Variants in HIVEP3 observed in about 807,000 individuals in gnomAD.
HIVEP3 encodes the protein HIVEP zinc finger 3, also known as transcription factor HIVEP3.
In HIVEP3, 49 loss-of-function variants were observed where a neutral mutation model predicts 152.8. That is an observed-to-expected ratio of 0.32 (90% CI 0.26 to 0.41). The LOEUF (loss-of-function observed/expected upper bound fraction) is 0.41. HIVEP3 is among the 10% of genes least tolerant of loss of function. The pLI is 1.00. For missense variants in HIVEP3, 2,790 were observed against 3,103.3 expected (o/e 0.90, Z 2.40); for synonymous variants, 1,269 against 1,289.0 (o/e 0.98, Z 0.33).
intron 1 of HIVEP3, among the ~76,000 whole-genome samples, chr1:41,725,741 T>C (rs2124177117): frequency 6.6e-6 from 1 of 152,268 alleles, no homozygotes; most frequent in South Asian, 2.1e-4. Context: ...TCAACAATAC[T>C]GGAAAACAGG....
chr1:41,722,982 G>C (rs1646699725), intron 1 of HIVEP3, among the ~76,000 whole-genome samples: 1 of 152,150 alleles, frequency 6.6e-6, no homozygotes, highest in Admixed American at 6.5e-5. Context: ...GTAAGACCAG[G>C]TAGGAGATCC....
rs61551837 is a variant in HIVEP3 at position 41,918,107 on chromosome 1, C to CCCGCCG, written c.-801+300_-801+305dup. 8.8e-4 allele frequency among the ~76,000 whole-genome samples: 133 copies of CCCGCCG among 151,710 alleles called. No individual in the cohort carries two copies. The highest frequency in any genetic ancestry group is 2.4e-3 in the African/African-American group (98 of 41,366). ...CGCACGGCGCGCATAGGGTTACAGC[C>CCCGCCG]CCGCCGCCGCCGCCGCCGCCGCCGC... On this transcript the variant is annotated intron_variant, in intron 1 of 8. Coordinates refer to ENST00000372583, the MANE Select transcript of HIVEP3 (RefSeq NM_024503.5). The surrounding 1 kb of genome is among the most constrained non-coding windows in gnomAD (Gnocchi z 4.3).
At chr1:41,880,365 G>A (rs1644242444) in intron 1 of HIVEP3, among the ~76,000 whole-genome samples, 1 of 152,144 alleles carries the variant, frequency 6.6e-6, no homozygotes. Flanking sequence ...AAATGGTAGG[G>A]CTGAGATTTG....
chr1:42,000,642 G>A (rs1239569359), intron 1 of HIVEP3, among the ~76,000 whole-genome samples: 1 of 152,160 alleles, frequency 6.6e-6, no homozygotes, highest in Non-Finnish European at 1.5e-5. Flanking sequence ...ACAGTTACTT[G>A]GGAAGCACTG....
intron 5 of HIVEP3, among the ~76,000 whole-genome samples, chr1:41,540,723 G>T (rs926682324): frequency 2.0e-5 from 3 of 152,226 alleles, no homozygotes; most frequent in African/African-American, 7.2e-5. Context: ...GCAGAACCAG[G>T]CATGGAGGAA....
intron 3 of HIVEP3, among the ~76,000 whole-genome samples, chr1:41,601,414 T>C (rs1227870275): frequency 6.6e-6 from 1 of 152,206 alleles, no homozygotes; most frequent in Non-Finnish European, 1.5e-5. Context: ...GTTTGTGTCT[T>C]CTTTAATTTC....
chr1:41,755,544 A>G (rs1647268944), intron 1 of HIVEP3, among the ~76,000 whole-genome samples: 1 of 152,150 alleles, frequency 6.6e-6, no homozygotes. Context: ...AGATATCTGC[A>G]AACAACAAAT....
At chr1:41,684,945 C>T (rs181243057) in intron 2 of HIVEP3, among the ~76,000 whole-genome samples, 224 of 152,330 alleles carry the variant, frequency 1.5e-3, no homozygotes, top group Non-Finnish European at 2.5e-3. Flanking sequence ...CTACCAGCTA[C>T]AGAACCTTCT....
chr1:41,881,257 T>C (rs146082745), intron 1 of HIVEP3, among the ~76,000 whole-genome samples: 63 of 152,332 alleles, frequency 4.1e-4, no homozygotes, highest in Non-Finnish European at 7.3e-4. Flanking sequence ...TCAAGCATTA[T>C]TATGTTATAT....
chr1:41,950,616 G>C (rs1570838338), intron 1 of HIVEP3, among the ~76,000 whole-genome samples: 2 of 152,144 alleles, frequency 1.3e-5, no homozygotes, highest in East Asian at 3.9e-4. Context: ...ACTATGCTGT[G>C]AGCTACTGCC....
chr1:41,840,437 C>G (rs1274463696), intron 1 of HIVEP3, among the ~76,000 whole-genome samples: 2 of 152,090 alleles, frequency 1.3e-5, no homozygotes, highest in Non-Finnish European at 2.9e-5. Context: ...CAGCAACCAC[C>G]AGAAATTAGA....
chr1:41,954,268 G>T (rs991200852), intron 1 of HIVEP3, among the ~76,000 whole-genome samples: 2 of 152,144 alleles, frequency 1.3e-5, no homozygotes, highest in African/African-American at 4.8e-5. Context: ...AGATATACTG[G>T]CTTCTACTTC....
At chr1:41,525,930 T>C (rs368720954) in intron 5 of HIVEP3, among the ~76,000 whole-genome samples, 4 of 152,212 alleles carry the variant, frequency 2.6e-5, no homozygotes, top group South Asian at 4.1e-4. Context: ...GAGAGGCCAC[T>C]GGCACGGCAC....
chr1:41,932,815 T>C (rs1645002145), intron 1 of HIVEP3, among the ~76,000 whole-genome samples: 1 of 151,918 alleles, frequency 6.6e-6, no homozygotes, highest in South Asian at 2.1e-4. Flanking sequence ...CATTTAACTC[T>C]ATAAATTTCC....
intron 1 of HIVEP3, among the ~76,000 whole-genome samples, chr1:41,828,358 G>A (rs1365721082): frequency 6.6e-6 from 1 of 152,220 alleles, no homozygotes; most frequent in African/African-American, 2.4e-5. Context: ...AACCACACCA[G>A]GGATTTACTC....
At chr1:41,930,358 TC>T (rs1644990280) in intron 1 of HIVEP3, among the ~76,000 whole-genome samples, 1 of 152,220 alleles carries the variant, frequency 6.6e-6, no homozygotes, top group Admixed American at 6.5e-5. Flanking sequence ...TTCTAAAGTA[TC>T]CTATGGAATA....
At chr1:41,930,961 T>C (rs1409340386) in intron 1 of HIVEP3, among the ~76,000 whole-genome samples, 1 of 152,178 alleles carries the variant, frequency 6.6e-6, no homozygotes, top group Non-Finnish European at 1.5e-5. Context: ...GCCCATTTTT[T>C]ATAGAGTTGT....
intron 1 of HIVEP3, among the ~76,000 whole-genome samples, chr1:41,796,315 G>A (rs1558277111): frequency 6.6e-6 from 1 of 152,238 alleles, no homozygotes; most frequent in Non-Finnish European, 1.5e-5. Flanking sequence ...CATCTGCCGG[G>A]ACCACACGAC....
chr1:41,869,139 C>T (rs541155388), intron 1 of HIVEP3, among the ~76,000 whole-genome samples: 3 of 152,302 alleles, frequency 2.0e-5, no homozygotes, highest in Admixed American at 6.5e-5. Context: ...TGATGGCTCT[C>T]CCATCGACCT....
Sources: allele counts gnomAD v4.1 joint callset (sites outside exome capture counted in the v4.1 genomes callset), GRCh38; gene constraint gnomAD v4.1.1; non-coding constraint Gnocchi (gnomAD v3.1); transcripts MANE v1.5; gene names NCBI Gene and HGNC (gene_info 2026-07-23, HGNC 2026-07-21).